The following CCDC178 variants were observed in gnomAD, a reference collection of about 807,000 sequenced individuals.
CCDC178 encodes the protein coiled-coil domain containing 178.
CCDC178 carries 126 observed loss-of-function variants against 117.4 expected under a neutral mutation model. The observed-to-expected ratio is 1.07, with a 90% CI of 0.93 to 1.24. CCDC178 has a LOEUF of 1.24. Among genes scored for constraint, CCDC178 ranks in the 50% most tolerant of loss-of-function variants. The probability of loss-of-function intolerance (pLI) is 0.00; values close to 1 mark genes in which losing one functional copy is unlikely to be tolerated. For missense variants in CCDC178, 1,030 were observed against 986.9 expected, an observed-to-expected ratio of 1.04 and a Z score of -0.59; for synonymous variants, 283 against 313.4, an observed-to-expected ratio of 0.90 and a Z score of 1.02.
chr18:33,010,018 T>C lies in CCDC178; in HGVS notation c.2389-35337A>G, dbSNP rs182670083. Among the ~76,000 whole-genome samples, 5 of 152,234 alleles carry C rather than the reference T, an allele frequency of 3.3e-5. No homozygotes were observed. The East Asian group carries it at 9.7e-4, about 29-fold the overall frequency. ...CCACACTATCATTGTCTTCTAATCA[T>C]CCAAGTGAAATAATTCCTACCTCAC... is the stretch of plus-strand genomic sequence containing the variant. On this transcript the variant is annotated intron_variant, in intron 21 of 22. Transcript: ENST00000383096.
chr18:33,030,270 A>C (rs1053283030), intron 21 of CCDC178, among the ~76,000 whole-genome samples: 1 of 152,056 alleles, frequency 6.6e-6, no homozygotes, highest in Admixed American at 6.6e-5. Context: ...ATATTAGTAC[A>C]CATATTCTAG....
chr18:33,342,989 C>T (rs1174088086), intron 9 of CCDC178, among the ~76,000 whole-genome samples: 1 of 152,186 alleles, frequency 6.6e-6, no homozygotes, highest in Non-Finnish European at 1.5e-5. Context: ...TGATTACACC[C>T]TTTCTGTCTC....
intron 4 of CCDC178, among the ~76,000 whole-genome samples, chr18:33,392,356 TGA>T (rs1487710986): frequency 2.0e-5 from 3 of 152,208 alleles, no homozygotes; most frequent in Admixed American, 2.0e-4. Flanking sequence ...GATGACGAGA[TGA>T]GGTTTTCCCA....
At chr18:33,358,034 GC>G (rs563426352) in intron 6 of CCDC178, among the ~76,000 whole-genome samples, 24 of 152,006 alleles carry the variant, frequency 1.6e-4, no homozygotes, top group African/African-American at 5.5e-4. Context: ...ATAGTCTATT[GC>G]CCCTGGCCTA....
intron 6 of CCDC178, among the ~76,000 whole-genome samples, chr18:33,366,245 G>A (rs1372033672): frequency 6.6e-6 from 1 of 152,018 alleles, no homozygotes; most frequent in Non-Finnish European, 1.5e-5. Context: ...AGGGAGGATT[G>A]TTTGAGGCCA....
Position 33,346,261 on chromosome 18 carries a change from T to A in CCDC178, c.608A>T (p.Asp203Val). ...SRKNMINMKI[D>V]SWSVWKLQEL... Reference sequence around the variant, plus strand: ...TTGAAGTTTCCAGACTGACCAAGAGTCAATTTTCATGTTAATCATATTCTT... The same window carrying A: ...TTGAAGTTTCCAGACTGACCAAGAGACAATTTTCATGTTAATCATATTCTT... Residue 203 changes from aspartate to valine, a missense_variant, in exon 9 of 23, where the codon GAC (aspartate) becomes GTC (valine). Asp to Val is a radical substitution (Grantham distance 152). Transcript: ENST00000383096. 6.2e-7 allele frequency: 1 copy of A among 1,613,922 alleles called. No homozygotes were observed. The highest frequency in any genetic ancestry group is 8.5e-7 in the Non-Finnish European group (1 of 1,179,902).
chr18:33,397,210 T>C lies in CCDC178; in HGVS notation c.59-2A>G, dbSNP rs2144848612. On this transcript the variant is annotated splice_acceptor_variant, in intron 3 of 22. Coordinates refer to ENST00000383096, the MANE Select transcript of CCDC178 (RefSeq NM_001105528.4). LOFTEE classifies it high-confidence loss of function. Reference sequence around the variant, plus strand: ...CCTTTACTTCCTGACATGTTAAACCTATAAAAGGTAAAATAAAACAAAATA... The same window carrying C: ...CCTTTACTTCCTGACATGTTAAACCCATAAAAGGTAAAATAAAACAAAATA... 1 of 1,597,866 alleles carries C rather than the reference T, an allele frequency of 6.3e-7. No individual in the cohort carries two copies. The highest frequency in any genetic ancestry group is 1.7e-5 in the Admixed American group (1 of 59,054).
At chr18:33,327,491 A>G (rs1402176152) in intron 10 of CCDC178, among the ~76,000 whole-genome samples, 12 of 152,184 alleles carry the variant, frequency 7.9e-5, no homozygotes, top group Non-Finnish European at 1.6e-4. Context: ...TTGCTGAAGA[A>G]TATTGTAATT....
chr18:33,283,066 G>A (rs1259213522), intron 12 of CCDC178, among the ~76,000 whole-genome samples: 1 of 152,148 alleles, frequency 6.6e-6, no homozygotes, highest in East Asian at 1.9e-4. Flanking sequence ...AAGCTAGCAG[G>A]GAGGCAGACA....
chr18:33,167,244 C>T (rs559758218), intron 20 of CCDC178, among the ~76,000 whole-genome samples: 4 of 152,186 alleles, frequency 2.6e-5, no homozygotes, highest in Admixed American at 2.6e-4. Context: ...TGAACATATG[C>T]ATGCATGTGT....
chr18:33,402,722 AG>A (rs1169122506), intron 3 of CCDC178, among the ~76,000 whole-genome samples: 1 of 152,186 alleles, frequency 6.6e-6, no homozygotes, highest in Non-Finnish European at 1.5e-5. Flanking sequence ...CCAGATTTTG[AG>A]GACTTTGTTG....
intron 5 of CCDC178, among the ~76,000 whole-genome samples, chr18:33,378,429 A>C (rs1007175062): frequency 3.3e-5 from 5 of 152,004 alleles, no homozygotes; most frequent in East Asian, 1.9e-4. Flanking sequence ...GATGCCTTTT[A>C]TTTCTTTCTC....
intron 14 of CCDC178, among the ~76,000 whole-genome samples, chr18:33,247,926 A>G (rs1418549591): frequency 6.6e-6 from 1 of 151,796 alleles, no homozygotes; most frequent in African/African-American, 2.4e-5. Context: ...AGACTAGAGA[A>G]ATTTTCCATA....
At chr18:33,088,343 G>A (rs2057413422) in intron 21 of CCDC178, among the ~76,000 whole-genome samples, 1 of 150,562 alleles carries the variant, frequency 6.6e-6, no homozygotes. Context: ...ATTTTTATTG[G>A]GATTGTATTG....
intron 21 of CCDC178, among the ~76,000 whole-genome samples, chr18:33,030,522 A>AAGAT (rs61043322): frequency 0.4 from 55,545 of 140,506 alleles, 10,708 homozygotes; most frequent in Middle Eastern, 0.46. Flanking sequence ...GAACTGATAG[A>AAGAT]AGATAGATAG....
intron 11 of CCDC178, among the ~76,000 whole-genome samples, chr18:33,302,558 T>C (rs963715383): frequency 2.0e-5 from 3 of 152,188 alleles, no homozygotes; most frequent in African/African-American, 7.2e-5. Flanking sequence ...AGAACTCATA[T>C]GCACGCCCAT....
intron 14 of CCDC178, among the ~76,000 whole-genome samples, chr18:33,266,223 A>G (rs568105971): frequency 7.9e-4 from 120 of 152,174 alleles, no homozygotes; most frequent in African/African-American, 2.7e-3. Flanking sequence ...AAGTAGCATA[A>G]TGAAATCTCA....
intron 18 of CCDC178, among the ~76,000 whole-genome samples, chr18:33,221,494 C>T (rs1451371679): frequency 6.6e-6 from 1 of 151,884 alleles, no homozygotes; most frequent in Non-Finnish European, 1.5e-5. Flanking sequence ...GAATACTGGG[C>T]GGAAAGGCAA....
chr18:33,172,907 C>A (rs1180510817), intron 20 of CCDC178, among the ~76,000 whole-genome samples: 5 of 152,094 alleles, frequency 3.3e-5, no homozygotes, highest in Non-Finnish European at 1.5e-5. Context: ...TTTTTAATAA[C>A]TGATATATAT....
Sources: allele counts gnomAD v4.1 joint callset (sites outside exome capture counted in the v4.1 genomes callset), GRCh38; gene constraint gnomAD v4.1.1; transcripts MANE v1.5; gene names NCBI Gene and HGNC (gene_info 2026-07-23, HGNC 2026-07-21).